Variants in TMEM62 observed in about 807,000 individuals in gnomAD.
The protein encoded by TMEM62 is transmembrane protein 62.
Under a neutral mutation model 70.4 loss-of-function variants are expected in TMEM62, and 41 were observed. That is an observed-to-expected ratio of 0.58 (90% CI 0.45 to 0.76). The LOEUF (loss-of-function observed/expected upper bound fraction) is 0.76. Ranked by LOEUF, TMEM62 falls within the 30% of genes least tolerant of loss-of-function variation. The probability of loss-of-function intolerance (pLI) is 0.00; values close to 1 mark genes in which losing one functional copy is unlikely to be tolerated. For synonymous variants in TMEM62, 268 were observed against 291.0 expected, an observed-to-expected ratio of 0.92 and a Z score of 0.80; for missense variants, 688 against 788.5, an observed-to-expected ratio of 0.87 and a Z score of 1.53.
In TMEM62 at chr15:43,154,769, G is replaced by A. The variant is rs747991189; in HGVS notation, c.1120G>A (p.Val374Ile). 17 of 1,613,900 alleles carry A rather than the reference G, an allele frequency of 1.1e-5. No individual in the cohort carries two copies. The highest frequency in any genetic ancestry group is 4.5e-5 in the East Asian group (2 of 44,866). Reference sequence around the variant, plus strand: ...TGTTCATGTGTCTGGTCCCATTTTCGTACTGAAGTGGAATCCTAGAAACTA... The same window carrying A: ...TGTTCATGTGTCTGGTCCCATTTTCATACTGAAGTGGAATCCTAGAAACTA... Reference protein sequence around the residue: ...QAVHVSGPIFVLKWNPRNYSS... With the variant: ...QAVHVSGPIFILKWNPRNYSS... Residue 374 changes from valine (V) to isoleucine (I), a missense_variant, in exon 9 of 14, where the codon GTA becomes ATA. Physicochemically the swap from Val to Ile is conservative, Grantham distance 29. Transcript: ENST00000260403.
chr15:43,183,957 A>G, intron 13 of TMEM62: 1 of 354,552 alleles, frequency 2.8e-6, no homozygotes. Flanking sequence ...GTGTGTGTAT[A>G]CATTTACTCA....
At chr15:43,134,229 C>G in intron 1 of TMEM62, 28 bp from the exon 2 acceptor site, 1 of 1,605,658 alleles carries the variant, frequency 6.2e-7, no homozygotes, top group Non-Finnish European at 8.5e-7. Flanking sequence ...TGGCTCAGAT[C>G]TCTCTGTTCA....
intron 11 of TMEM62, among the ~76,000 whole-genome samples, chr15:43,172,048 T>A (rs1202165275): frequency 6.6e-6 from 1 of 152,196 alleles, no homozygotes; most frequent in Non-Finnish European, 1.5e-5. Context: ...AAAAAATTTT[T>A]TATGGAACAA....
At chr15:43,167,967 T>C (rs987806803) in intron 10 of TMEM62, among the ~76,000 whole-genome samples, 1 of 151,786 alleles carries the variant, frequency 6.6e-6, no homozygotes, top group African/African-American at 2.4e-5. Context: ...ACCAAAAAAA[T>C]ACGAAAACCA....
intron 9 of TMEM62, among the ~76,000 whole-genome samples, chr15:43,155,820 A>C (rs2141759844): frequency 6.6e-6 from 1 of 152,316 alleles, no homozygotes; most frequent in South Asian, 2.1e-4. Context: ...AAGCTTCAGG[A>C]CACAGAATTT....
At chr15:43,179,593 C>A (rs2041145746) in intron 12 of TMEM62, among the ~76,000 whole-genome samples, 1 of 152,174 alleles carries the variant, frequency 6.6e-6, no homozygotes, top group Admixed American at 6.5e-5. Flanking sequence ...TGAAGCAATG[C>A]ATGACTGTAC....
At chr15:43,158,005 A>C (rs1834643) in intron 9 of TMEM62, among the ~76,000 whole-genome samples, 133,506 of 151,660 alleles carry the variant, frequency 0.88, 58,882 homozygotes, top group Middle Eastern at 0.94. Context: ...TCTTTTTTGT[A>C]CCCTTAAAAT....
intron 10 of TMEM62, among the ~76,000 whole-genome samples, chr15:43,162,301 CT>C (rs767207961): frequency 2.2e-3 from 297 of 134,996 alleles, no homozygotes; most frequent in Middle Eastern, 3.8e-3. Context: ...CCACGTCCAG[CT>C]TTTTTTTTTT....
rs184026383 is a variant in TMEM62 at position 43,165,203 on chromosome 15, T to C, written c.1297-4390T>C. Among the ~76,000 whole-genome samples the C allele has an allele frequency of 2.0e-3, 304 of 152,288 alleles. 1 individual carries two copies. Among genetic ancestry groups the C allele is most frequent in the Middle Eastern group, 0.017 (5 of 294 alleles). On this transcript the variant is annotated intron_variant, in intron 10 of 13. Coordinates refer to ENST00000260403, the MANE Select transcript of TMEM62 (RefSeq NM_024956.4). Reference sequence around the variant, plus strand: ...TTAAGGCCAATAACTCTTAGATTTGTCCTGTTGAGGCTGTTTTCTAGATCT... The same window carrying C: ...TTAAGGCCAATAACTCTTAGATTTGCCCTGTTGAGGCTGTTTTCTAGATCT...
intron 4 of TMEM62, among the ~76,000 whole-genome samples, chr15:43,139,968 C>G (rs930042181): frequency 2.6e-5 from 4 of 152,186 alleles, no homozygotes; most frequent in African/African-American, 9.7e-5. Context: ...AATGAAACAG[C>G]CTTCTTTTGG....
At chr15:43,152,384 A>ATTTGTTTTGTTTTGT (rs543802698) in intron 8 of TMEM62, among the ~76,000 whole-genome samples, 2 of 151,944 alleles carry the variant, frequency 1.3e-5, no homozygotes, top group Non-Finnish European at 2.9e-5. Flanking sequence ...TGGCAAATGA[A>ATTTGTTTTGTTTTGT]TTTGTTTTGT....
intron 11 of TMEM62, among the ~76,000 whole-genome samples, chr15:43,171,351 A>G (rs2040169472): frequency 6.6e-6 from 1 of 150,452 alleles, no homozygotes; most frequent in African/African-American, 2.4e-5. Flanking sequence ...AAAAAAAAAA[A>G]GTTCCCTTCA....
At chr15:43,145,103 CAA>C (rs200747419) in intron 4 of TMEM62, among the ~76,000 whole-genome samples, 5 of 109,468 alleles carry the variant, frequency 4.6e-5, no homozygotes, top group Admixed American at 1.0e-4. Flanking sequence ...GACTCCGTCT[CAA>C]AAAAAAAAAA....
intron 9 of TMEM62, among the ~76,000 whole-genome samples, chr15:43,155,881 A>T (rs2037992173): frequency 6.6e-6 from 1 of 152,342 alleles, no homozygotes; most frequent in Non-Finnish European, 1.5e-5. Context: ...TTGTTAGCAT[A>T]TGCAGTACCA....
At chr15:43,168,378 T>C (rs1333109467) in intron 10 of TMEM62, among the ~76,000 whole-genome samples, 1 of 152,122 alleles carries the variant, frequency 6.6e-6, no homozygotes. Flanking sequence ...TGGTGACTAC[T>C]GCTTGGCTAC....
intron 4 of TMEM62, among the ~76,000 whole-genome samples, chr15:43,144,206 A>G (rs2036405354): frequency 1.3e-5 from 2 of 152,346 alleles, no homozygotes; most frequent in South Asian, 4.1e-4. Flanking sequence ...AGGCAAAAAG[A>G]TAGGTATGAA....
intron 4 of TMEM62, among the ~76,000 whole-genome samples, chr15:43,145,137 G>C (rs1386436540): frequency 2.1e-5 from 3 of 142,512 alleles, no homozygotes; most frequent in Non-Finnish European, 4.6e-5. Flanking sequence ...AGGAATAACT[G>C]AACATAAAAT....
chr15:43,134,478 C>A, intron 2 of TMEM62, 110 bp downstream of exon 2: 1 of 783,856 alleles, frequency 1.3e-6, no homozygotes, highest in East Asian at 2.6e-5. Context: ...TAGCCACAGC[C>A]CCAGGTGAGC....
chr15:43,133,946 A>T lies in TMEM62; in HGVS notation c.144A>T (p.Pro48=). 6.8e-7 allele frequency: 1 copy of T among 1,465,416 alleles called. No homozygotes were observed. The highest frequency in any genetic ancestry group is 2.7e-5 in the Admixed American group (1 of 37,620). 90.8% of individuals were successfully genotyped at this position (1,465,416 alleles called of 1,614,324 possible). A position where few individuals can be genotyped will look rare whatever the true frequency, so the allele number is the denominator to read the frequency against. ...CCCCCAGGAGGCCGCACCCTGCGCC[A>T]GGGCCCGGAGACAGCAACATCTTCT... is the stretch of plus-strand genomic sequence containing the variant. ...PAPPRRPHPA[P]GPGDSNIFWG... Residue 48 remains proline, a synonymous_variant, in exon 1 of 14, where the codon CCA becomes CCT. Coordinates refer to ENST00000260403, the MANE Select transcript of TMEM62 (RefSeq NM_024956.4).
Sources: gnomAD v4.1 joint callset for allele counts (sites outside exome capture counted in the v4.1 genomes callset) on GRCh38, gnomAD v4.1.1 for gene constraint, MANE v1.5 for transcripts, NCBI Gene and HGNC (gene_info 2026-07-23, HGNC 2026-07-21) for gene names.